CASP8: variants seen among roughly 807,000 people sequenced by gnomAD.
CASP8 encodes caspase-8.
Under a neutral mutation model 46.3 loss-of-function variants are expected in CASP8, and 24 were observed. That is an observed-to-expected ratio of 0.52 (90% confidence interval 0.38 to 0.73). The LOEUF is 0.73. Among genes scored for constraint, CASP8 ranks in the 30% least tolerant of loss-of-function variants. CASP8 has a pLI of 0.00. For synonymous variants in CASP8, 188 were observed against 200.4 expected (o/e 0.94, Z 0.52); for missense variants, 460 against 559.0 (o/e 0.82, Z 1.79).
At chr2:201,273,213 C>T (rs1307004889) in intron 5 of CASP8, among the ~76,000 whole-genome samples, 2 of 152,090 alleles carry the variant, frequency 1.3e-5, no homozygotes, top group Non-Finnish European at 2.9e-5. Context: ...GCGTGCACCA[C>T]CACGCCTAGC....
At position 201,284,797 on chromosome 2, in the gene CASP8, T is replaced by C. The variant is rs1304343233; in HGVS notation, c.803-19T>C. 1 of 1,605,118 alleles carries C rather than the reference T, an allele frequency of 6.2e-7. No individual in the cohort carries two copies. The highest frequency in any genetic ancestry group is 8.5e-7 in the Non-Finnish European group (1 of 1,176,128). On this transcript the variant is annotated intron_variant, in intron 7 of 8. Transcript: ENST00000673742. ...GAATTACTGTGGTATAACGTGACTG[T>C]TCAAATTTCACTTTTCAGGGGCTTT...
At chr2:201,257,145 C>T (rs1172346405), upstream of CASP8, among the ~76,000 whole-genome samples, 1 of 150,700 alleles carries the variant, frequency 6.6e-6, no homozygotes, top group Non-Finnish European at 1.5e-5. Context: ...AACTCCGTCC[C>T]CCGAACAAAA....
intron 1 of CASP8, among the ~76,000 whole-genome samples, chr2:201,233,783 C>A (rs905320753): frequency 5.9e-5 from 9 of 152,184 alleles, no homozygotes; most frequent in Admixed American, 1.3e-4. Flanking sequence ...TCCAGATCTG[C>A]CTGATACTGA....
intron 3 of CASP8, 47 bp downstream of exon 3, chr2:201,271,668 C>A: frequency 8.5e-7 from 1 of 1,180,088 alleles, no homozygotes. Flanking sequence ...ACTTGGTTAG[C>A]CAGGGGGCAT....
At chr2:201,233,919 A>AGGCTGCG (rs1483670583) in intron 1 of CASP8, 2 of 152,274 alleles carry the variant, frequency 1.3e-5, no homozygotes, top group Non-Finnish European at 2.9e-5. Context: ...CCTTGCCCAG[A>AGGCTGCG]GGCTGCGGGC....
intron 8 of CASP8, among the ~76,000 whole-genome samples, chr2:201,286,131 G>T (rs1949545793): frequency 6.6e-6 from 1 of 152,196 alleles, no homozygotes; most frequent in Non-Finnish European, 1.5e-5. Context: ...GAGAGTATTG[G>T]GGGGCATTGA....
At chr2:201,277,183 TA>T (rs1948692015) in intron 7 of CASP8, 1 of 401,312 alleles carries the variant, frequency 2.5e-6, no homozygotes, top group Non-Finnish European at 4.5e-6. Flanking sequence ...AATGTATGTA[TA>T]AATATAAAAT....
intron 2 of CASP8, among the ~76,000 whole-genome samples, chr2:201,249,563 C>T (rs759919873): frequency 6.6e-6 from 1 of 152,140 alleles, no homozygotes; most frequent in African/African-American, 2.4e-5. Flanking sequence ...ACTTTTCAAT[C>T]GGGTTGTTTT....
chr2:201,283,388 C>T (rs1245979636), intron 7 of CASP8, among the ~76,000 whole-genome samples: 1 of 55,878 alleles, frequency 1.8e-5, no homozygotes, highest in Non-Finnish European at 4.2e-5. Flanking sequence ...GCTGGCCAGG[C>T]GGGGGGCTGA....
chr2:201,272,371 CAGG>C lies in CASP8; in HGVS notation c.412-264_412-262del, dbSNP rs1385164186. Among the ~76,000 whole-genome samples, 4 of 152,062 alleles carry C rather than the reference CAGG, an allele frequency of 2.6e-5. No homozygotes were observed. Among genetic ancestry groups the C allele is most frequent in the African/African-American group, 9.7e-5 (4 of 41,400 alleles). On this transcript the variant is annotated intron_variant, in intron 3 of 8. Transcript: ENST00000673742. This position sits in a 1 kb window ranked among gnomAD's most constrained non-coding sequence, Gnocchi z 4.4. ...TCACAGTCCCCAAGTAATGCATTCG[CAGG>C]AGATTTGAGCACAGGGCCTGGGGAC...
intron 1 of CASP8, among the ~76,000 whole-genome samples, chr2:201,265,850 C>T (rs1311266113): frequency 3.9e-5 from 6 of 152,304 alleles, no homozygotes; most frequent in South Asian, 2.1e-4. Flanking sequence ...TGTGCTTTCT[C>T]GCATTCTCCC....
intron 2 of CASP8, among the ~76,000 whole-genome samples, chr2:201,238,527 C>T (rs993104872): frequency 4.0e-5 from 6 of 151,802 alleles, no homozygotes; most frequent in Non-Finnish European, 5.9e-5. Context: ...CTGCAACCTC[C>T]GCCTCCTGGG....
At chr2:201,286,331 C>T (rs1949556142) in intron 8 of CASP8, 128 bp from the exon 9 acceptor site, 2 of 1,214,988 alleles carry the variant, frequency 1.6e-6, no homozygotes. Context: ...GGTTTCGCAC[C>T]TTATTGTTTC....
upstream of CASP8, among the ~76,000 whole-genome samples, chr2:201,257,735 G>T (rs17199144): frequency 2.5e-3 from 387 of 152,310 alleles, 2 homozygotes; most frequent in Middle Eastern, 6.8e-3. Flanking sequence ...TACAGGGCTG[G>T]CTTTACCCAG....
intron 2 of CASP8, among the ~76,000 whole-genome samples, chr2:201,245,076 G>C (rs370093187): frequency 6.6e-6 from 1 of 152,170 alleles, no homozygotes; most frequent in African/African-American, 2.4e-5. Context: ...GCGATAGAGA[G>C]CATAGGGCGT....
intron 2 of CASP8, among the ~76,000 whole-genome samples, chr2:201,253,481 T>C (rs1477260357): frequency 6.6e-6 from 1 of 151,898 alleles, no homozygotes; most frequent in Non-Finnish European, 1.5e-5. Context: ...AGTGAGGATC[T>C]AATGATATAA....
At chr2:201,279,655 G>A (rs534896494) in intron 7 of CASP8, among the ~76,000 whole-genome samples, 5 of 152,170 alleles carry the variant, frequency 3.3e-5, no homozygotes, top group Non-Finnish European at 5.9e-5. Context: ...TTTGAAGAAA[G>A]GCTCTAATAC....
chr2:201,241,622 C>T (rs2124908737), intron 2 of CASP8: 1 of 152,266 alleles, frequency 6.6e-6, no homozygotes, highest in East Asian at 1.9e-4. Flanking sequence ...TTCCAAACAT[C>T]TCAAGAAGAA....
intron 2 of CASP8, among the ~76,000 whole-genome samples, chr2:201,240,104 A>G (rs1184469049): frequency 6.6e-6 from 1 of 152,204 alleles, no homozygotes; most frequent in Non-Finnish European, 1.5e-5. Context: ...TGAATCCCTC[A>G]TAAGCCAGGC....
Sources: gnomAD v4.1 joint callset for allele counts (sites outside exome capture counted in the v4.1 genomes callset) on GRCh38, gnomAD v4.1.1 for gene constraint, Gnocchi (gnomAD v3.1) non-coding constraint, MANE v1.5 for transcripts, NCBI Gene and HGNC (gene_info 2026-07-23, HGNC 2026-07-21) for gene names.